Variants in EPOR observed in about 807,000 individuals in gnomAD.
EPOR encodes the protein erythropoietin receptor.
Under a neutral mutation model 34.3 loss-of-function variants are expected in EPOR, and 20 were observed. The ratio of observed to expected loss-of-function variants is 0.58; its 90% CI spans 0.41 to 0.85. The LOEUF is 0.85. Among genes scored for constraint, EPOR ranks in the 40% least tolerant of loss-of-function variants. The probability of loss-of-function intolerance (pLI) is 0.00; values close to 1 mark genes in which losing one functional copy is unlikely to be tolerated. For missense variants in EPOR, 601 were observed against 672.7 expected (o/e 0.89, Z 1.18); for synonymous variants, 312 against 299.0 (o/e 1.04, Z -0.45).
rs1236502126 is a variant in EPOR at position 11,380,914 on chromosome 19, A to T, written c.797T>A (p.Leu266Gln). ...GTGGGAGAGCAGCGCGAGCACGGTCAGCAGCACCAGGATGACCACGAGGAT... is the reference window on the plus strand; with the variant it reads ...GTGGGAGAGCAGCGCGAGCACGGTCTGCAGCACCAGGATGACCACGAGGAT... ...SLILVVILVLLTVLALLSHRR... is the reference protein window; with the variant it reads ...SLILVVILVLQTVLALLSHRR... Residue 266 changes from leucine (L) to glutamine (Q), a missense_variant, in exon 6 of 8, where the codon CTG becomes CAG. Leu to Gln is a moderately radical substitution (Grantham distance 113). Coordinates refer to ENST00000222139, the MANE Select transcript of EPOR (RefSeq NM_000121.4). The T allele has an allele frequency of 4.5e-6, 7 of 1,551,724 alleles. No homozygotes were observed. The African/African-American group carries it at 8.2e-5, about 18-fold the overall frequency.
At chr19:11,379,901 A>G (rs1422364456) in intron 6 of EPOR, among the ~76,000 whole-genome samples, 2 of 152,000 alleles carry the variant, frequency 1.3e-5, no homozygotes, top group Non-Finnish European at 2.9e-5. Flanking sequence ...GGGTTTCTCC[A>G]TGTTGGTCAG....
chr19:11,383,834 T>G lies in EPOR; in HGVS notation c.115+259A>C, dbSNP rs1968398781. Among the ~76,000 whole-genome samples, 1 of 147,896 alleles carries G rather than the reference T, an allele frequency of 6.8e-6. No individual in the cohort carries two copies. The highest frequency in any genetic ancestry group is 2.5e-5 in the African/African-American group (1 of 39,586). On this transcript the variant is annotated intron_variant, in intron 1 of 7. Transcript: ENST00000222139. The surrounding 1 kb of genome is among the most constrained non-coding windows in gnomAD (Gnocchi z 4.9). ...AGGATTTAGCATGTCCCAGACTCCC[T>G]GAAAAGGTAAAACGGGAATGTTAAG...
Position 11,378,480 on chromosome 19 carries a change from G to T in EPOR, c.1031C>A (p.Ala344Glu). The T allele has an allele frequency of 6.2e-7, 1 of 1,614,176 alleles. No homozygotes were observed. The highest frequency in any genetic ancestry group is 8.5e-7 in the Non-Finnish European group (1 of 1,180,022). The change falls in exon 8 of 8, where the codon GCA (alanine) becomes GAA (glutamate). Residue 344 changes from alanine (A) to glutamate (E), a missense_variant. Coordinates refer to ENST00000222139, the MANE Select transcript of EPOR (RefSeq NM_000121.4). This position sits in a 1 kb window ranked among gnomAD's most constrained non-coding sequence, Gnocchi z 5.3. The part of the protein sequence containing the change: ...LSERCWGTMQ[A>E]VEPGTDDEGP... ...CTCATCATCTGTCCCCGGCTCCACTGCCTGCATCGTCCCCCAGCAGCGCTC... is the reference window on the plus strand; with the variant it reads ...CTCATCATCTGTCCCCGGCTCCACTTCCTGCATCGTCCCCCAGCAGCGCTC...
Position 11,381,712 on chromosome 19 carries a change from C to G in EPOR, c.565G>C (p.Gly189Arg). The change falls in exon 4 of 8, where the codon GGC (glycine) becomes CGC (arginine). Residue 189 changes from glycine to arginine, a missense_variant. Transcript: ENST00000222139. The surrounding 1 kb of genome is among the most constrained non-coding windows in gnomAD (Gnocchi z 5.3). ...RYEVDVSAGN[G>R]AGSVQRVEIL... Reference sequence around the variant, plus strand: ...CTCACCCTCTGTACGCTCCCTGCGCCGTTGCCGGCCGAGACGTCCACCTCG... The same window carrying G: ...CTCACCCTCTGTACGCTCCCTGCGCGGTTGCCGGCCGAGACGTCCACCTCG... The G allele has an allele frequency of 6.2e-7, 1 of 1,609,692 alleles. No homozygotes were observed.
In EPOR at chr19:11,381,823, C is replaced by T. The variant is rs922835545; in HGVS notation, c.454G>A (p.Val152Met). Residue 152 changes from valine (V) to methionine (M), a missense_variant, in exon 4 of 8, where the codon GTG becomes ATG. Transcript: ENST00000222139. The surrounding 1 kb of genome is among the most constrained non-coding windows in gnomAD (Gnocchi z 5.3). Reference sequence around the variant, plus strand: ...CCGCTCTCGTCAGCCAACCGCGCCACCAGCCCCACGGGGGCGTCTAGGAGC... The same window carrying T: ...CCGCTCTCGTCAGCCAACCGCGCCATCAGCCCCACGGGGGCGTCTAGGAGC... ...VVLLDAPVGL[V>M]ARLADESGHV... 3 of 1,614,030 alleles carry T rather than the reference C, an allele frequency of 1.9e-6. No individual in the cohort carries two copies. Among genetic ancestry groups the T allele is most frequent in the Non-Finnish European group, 2.5e-6 (3 of 1,179,926 alleles).
chr19:11,378,339 C>T lies in EPOR; in HGVS notation c.1172G>A (p.Ser391Asn), dbSNP rs2144694243. The change falls in exon 8 of 8, where the codon AGT (serine) becomes AAT (asparagine). Residue 391 changes from serine to asparagine, a missense_variant. Physicochemically the swap from Ser to Asn is conservative, Grantham distance 46. Coordinates refer to ENST00000222139, the MANE Select transcript of EPOR (RefSeq NM_000121.4). The surrounding 1 kb of genome is among the most constrained non-coding windows in gnomAD (Gnocchi z 5.3). ...TTCATCCATGGCCACTATGTCCACA[C>T]TGCCACCAGGCCCTGGGAGGTCCTC... ...PSEDLPGPGG[S>N]VDIVAMDEGS... The T allele has an allele frequency of 6.2e-7, 1 of 1,613,444 alleles. No homozygotes were observed. The highest frequency in any genetic ancestry group is 8.5e-7 in the Non-Finnish European group (1 of 1,180,030).
rs1968362178 is a variant in EPOR, at chr19:11,381,705, C to T, written c.572G>A (p.Gly191Glu). Reference sequence around the variant, plus strand: ...GGCTGGCCTCACCCTCTGTACGCTCCCTGCGCCGTTGCCGGCCGAGACGTC... The same window carrying T: ...GGCTGGCCTCACCCTCTGTACGCTCTCTGCGCCGTTGCCGGCCGAGACGTC... The part of the protein sequence containing the change: ...EVDVSAGNGA[G>E]SVQRVEILEG... Residue 191 changes from glycine to glutamate, a missense_variant, in exon 4 of 8, where the codon GGG (glycine) becomes GAG (glutamate). Transcript: ENST00000222139. This position sits in a 1 kb window ranked among gnomAD's most constrained non-coding sequence, Gnocchi z 5.3. 1.2e-6 allele frequency: 2 copies of T among 1,608,178 alleles called. No individual in the cohort carries two copies. The highest frequency in any genetic ancestry group is 1.3e-5 in the African/African-American group (1 of 74,778).
chr19:11,379,783 C>T (rs995887826), intron 6 of EPOR, among the ~76,000 whole-genome samples: 6 of 152,012 alleles, frequency 3.9e-5, no homozygotes, highest in Middle Eastern at 3.2e-3. Flanking sequence ...TCACCCGCAA[C>T]CTCCACCTCC....
chr19:11,380,358 C>G (rs73922650), intron 6 of EPOR, among the ~76,000 whole-genome samples: 4,399 of 152,244 alleles, frequency 0.029, 225 homozygotes, highest in African/African-American at 0.1. Context: ...TATTTTCCAA[C>G]CAAGTAAATG....
chr19:11,378,136 C>T lies in EPOR; in HGVS notation c.1375G>A (p.Val459Ile), dbSNP rs745543338. ...TCAGTTGAGATGCCAGAGTCAGATA[C>T]CACAAGGTACAGGTACTTTAGGTGG... The part of the protein sequence containing the change: ...PPHLKYLYLV[V>I]SDSGISTDYS... The change falls in exon 8 of 8, where the codon GTA becomes ATA. Residue 459 changes from valine (V) to isoleucine (I), a missense_variant. Coordinates refer to ENST00000222139, the MANE Select transcript of EPOR (RefSeq NM_000121.4). This position sits in a 1 kb window ranked among gnomAD's most constrained non-coding sequence, Gnocchi z 5.3. The T allele has an allele frequency of 3.7e-6, 6 of 1,613,978 alleles. No homozygotes were observed. The African/African-American group carries it at 6.7e-5, about 18-fold the overall frequency.
chr19:11,382,843 T>G lies in EPOR; in HGVS notation c.251+254A>C, dbSNP rs1214711545. 2.7e-6 allele frequency: 4 copies of G among 1,484,624 alleles called. No individual in the cohort carries two copies. The African/African-American group carries it at 5.6e-5, about 21-fold the overall frequency. The allele number at this position is 1,484,624 out of a possible 1,614,324, so 92.0% of individuals were successfully genotyped here. A position where few individuals can be genotyped will look rare whatever the true frequency, so the allele number is the denominator to read the frequency against. On this transcript the variant is annotated intron_variant, in intron 2 of 7. Coordinates refer to ENST00000222139, the MANE Select transcript of EPOR (RefSeq NM_000121.4). ...GTCCCAGCCCCGACGTAGTAACGCCTTACCCTCGATTTGGAGGCGTTGTTA... is the reference window on the plus strand; with the variant it reads ...GTCCCAGCCCCGACGTAGTAACGCCGTACCCTCGATTTGGAGGCGTTGTTA...
intron 6 of EPOR, among the ~76,000 whole-genome samples, chr19:11,380,128 C>A (rs188981437): frequency 2.4e-4 from 37 of 152,366 alleles, no homozygotes; most frequent in Admixed American, 2.4e-3. Flanking sequence ...CAGGTTTCCA[C>A]TCTGATGTCA....
At chr19:11,382,861 C>T (rs1968381561) in intron 2 of EPOR, 2 of 1,506,514 alleles carry the variant, frequency 1.3e-6, no homozygotes, top group African/African-American at 2.8e-5. Context: ...GATTTGGAGG[C>T]GTTGTTATCC....
Position 11,378,610 on chromosome 19 carries a change from C to G in EPOR, c.916-15G>C. 6.2e-7 allele frequency: 1 copy of G among 1,614,188 alleles called. No homozygotes were observed. Among genetic ancestry groups the G allele is most frequent in the Non-Finnish European group, 8.5e-7 (1 of 1,180,032 alleles). On this transcript the variant is annotated splice_polypyrimidine_tract_variant and intron_variant, in intron 7 of 7. Coordinates refer to ENST00000222139, the MANE Select transcript of EPOR (RefSeq NM_000121.4). The surrounding 1 kb of genome is among the most constrained non-coding windows in gnomAD (Gnocchi z 5.3). The stretch of plus-strand genomic sequence containing the variant: ...TACAGCCACAGCTGAAGAAATAGCA[C>G]CAACCTGCTCAGAGAGGCCTGCAGT...
In EPOR at chr19:11,377,568, G is replaced by C. The variant is rs1266634848; in HGVS notation, c.*416C>G. 6.6e-6 allele frequency: 3 copies of C among 455,534 alleles called. No individual in the cohort carries two copies. Among genetic ancestry groups the C allele is most frequent in the African/African-American group, 2.0e-5 (1 of 50,192 alleles). 28.2% of individuals were successfully genotyped at this position (455,534 alleles called of 1,614,324 possible). Reference sequence around the variant, plus strand: ...TGCCCATTTGAGCTGAGTTAGGAGAGAGAAATCATTTAATGTGGTAAGCCA... The same window carrying C: ...TGCCCATTTGAGCTGAGTTAGGAGACAGAAATCATTTAATGTGGTAAGCCA... On this transcript the variant is annotated 3_prime_UTR_variant, in exon 8 of 8. Transcript: ENST00000222139.
chr19:11,382,172 G>T, intron 2 of EPOR, 67 bp from the exon 3 acceptor site: 3 of 1,326,810 alleles, frequency 2.3e-6, no homozygotes, highest in East Asian at 2.3e-5. Context: ...CCGGCCTGTG[G>T]GGGGCAGTGT....
At chr19:11,382,810 G>A in intron 2 of EPOR, 1 of 1,403,656 alleles carries the variant, frequency 7.1e-7, no homozygotes. Context: ...ATACTACCTC[G>A]AGAAGGCGTC....
At position 11,382,010 on chromosome 19, in the gene EPOR, C is replaced by T. The variant is rs1431645802; in HGVS notation, c.347G>A (p.Ser116Asn). Residue 116 changes from serine to asparagine, a missense_variant, in exon 3 of 8, where the codon AGC becomes AAC. By Grantham distance (46) the Ser-to-Asn change is conservative (BLOSUM62 1). Transcript: ENST00000222139. ...WCSLPTADTS[S>N]FVPLELRVTA... ...GACGCGCAACTCTAGGGGCACGAAGCTCGACGTGTCGGCTGTAGGCAGCGA... is the reference window on the plus strand; with the variant it reads ...GACGCGCAACTCTAGGGGCACGAAGTTCGACGTGTCGGCTGTAGGCAGCGA... 6.2e-7 allele frequency: 1 copy of T among 1,614,234 alleles called. No homozygotes were observed. Among genetic ancestry groups the T allele is most frequent in the Non-Finnish European group, 8.5e-7 (1 of 1,180,042 alleles).
intron 6 of EPOR, 47 bp downstream of exon 6, chr19:11,380,837 C>G: frequency 7.0e-7 from 1 of 1,430,808 alleles, no homozygotes. Flanking sequence ...GAAAGAGGAC[C>G]GTTGGCGGGG....
Sources: allele counts gnomAD v4.1 joint callset (sites outside exome capture counted in the v4.1 genomes callset), GRCh38; gene constraint gnomAD v4.1.1; non-coding constraint Gnocchi (gnomAD v3.1); transcripts MANE v1.5; gene names NCBI Gene and HGNC (gene_info 2026-07-23, HGNC 2026-07-21).